NPR3: variants seen among roughly 807,000 people sequenced by gnomAD.
NPR3 encodes the protein natriuretic peptide receptor 3.
Under a neutral mutation model 54.5 loss-of-function variants are expected in NPR3, and 34 were observed. That is an observed-to-expected ratio of 0.62 (90% confidence interval 0.47 to 0.83). NPR3 has a LOEUF of 0.83. NPR3 is among the 40% of genes least tolerant of loss of function. NPR3 has a pLI of 0.00. For missense variants in NPR3, 674 were observed against 720.8 expected (o/e 0.94, Z 0.74); for synonymous variants, 289 against 297.1 (o/e 0.97, Z 0.28).
intron 3 of NPR3, among the ~76,000 whole-genome samples, chr5:32,768,135 G>A (rs1314969375): frequency 2.6e-5 from 4 of 152,240 alleles, no homozygotes; most frequent in Admixed American, 2.6e-4. Flanking sequence ...TGCCTTGACA[G>A]GACACAGACC....
At chr5:32,697,152 T>C (rs1174922684) in intron 1 of NPR3, among the ~76,000 whole-genome samples, 1 of 152,184 alleles carries the variant, frequency 6.6e-6, no homozygotes, top group African/African-American at 2.4e-5. Context: ...ATATGTTCCT[T>C]CTATACTCAG....
At chr5:32,709,080 T>TAG (rs1182950164), upstream of NPR3, among the ~76,000 whole-genome samples, 3 of 152,104 alleles carry the variant, frequency 2.0e-5, no homozygotes, top group Non-Finnish European at 2.9e-5. Flanking sequence ...ACTGCCCTGC[T>TAG]GTTGAACTGC....
At chr5:32,724,926 T>C (rs1579609556) in intron 2 of NPR3, 106 bp downstream of exon 2, 1 of 1,203,376 alleles carries the variant, frequency 8.3e-7, no homozygotes, top group East Asian at 2.4e-5. Flanking sequence ...ATAAACACCA[T>C]GGAATACTAT....
intron 3 of NPR3, among the ~76,000 whole-genome samples, chr5:32,747,175 T>G (rs879608117): frequency 3.9e-5 from 6 of 152,208 alleles, no homozygotes; most frequent in Non-Finnish European, 8.8e-5. Flanking sequence ...GCTGTTTCTC[T>G]CCACATTTCT....
At chr5:32,759,642 T>A (rs1259533696) in intron 3 of NPR3, among the ~76,000 whole-genome samples, 2 of 152,208 alleles carry the variant, frequency 1.3e-5, no homozygotes, top group Non-Finnish European at 2.9e-5. Flanking sequence ...TTTGATTCTG[T>A]CATTATTATG....
chr5:32,720,346 G>C (rs926893056), intron 1 of NPR3, among the ~76,000 whole-genome samples: 1 of 152,196 alleles, frequency 6.6e-6, no homozygotes, highest in African/African-American at 2.4e-5. Flanking sequence ...CACATTAGAG[G>C]TTTCTCCCAA....
chr5:32,695,160 A>G (rs1740492042), intron 1 of NPR3, among the ~76,000 whole-genome samples: 2 of 152,256 alleles, frequency 1.3e-5, no homozygotes, highest in South Asian at 2.1e-4. Flanking sequence ...TAGTGCTGCA[A>G]TAAACATGGG....
rs1391844411 is a variant in NPR3 at position 32,788,563 on chromosome 5, A to G, written c.*2218A>G. The stretch of plus-strand genomic sequence containing the variant: ...AAGTCTATGTGCTTATTACAGGGGA[A>G]AAATAATCTACCTGGTTGCAGTCTT... On this transcript the variant is annotated 3_prime_UTR_variant, in exon 8 of 8. Coordinates refer to ENST00000265074, the MANE Select transcript of NPR3 (RefSeq NM_001204375.2). 1 of 152,220 alleles carries G rather than the reference A, an allele frequency of 6.6e-6. No homozygotes were observed. Among genetic ancestry groups the G allele is most frequent in the Non-Finnish European group, 1.5e-5 (1 of 68,038 alleles). The allele number at this position is 152,220 out of a possible 1,614,324, so 9.4% of individuals were successfully genotyped here.
At position 32,711,806 on chromosome 5, in the gene NPR3, C is replaced by T. The variant is rs752039844; in HGVS notation, c.30C>T (p.Ser10=). Reference sequence around the variant, plus strand: ...CGTCTCTGCTGGTGCTCACTTTCTCCCCGTGCGTACTACTCGGCTGGGCGT... The same window carrying T: ...CGTCTCTGCTGGTGCTCACTTTCTCTCCGTGCGTACTACTCGGCTGGGCGT... MPSLLVLTF[S]PCVLLGWALL... The change falls in exon 1 of 8, where the codon TCC becomes TCT. Residue 10 remains serine, a synonymous_variant. Coordinates refer to ENST00000265074, the MANE Select transcript of NPR3 (RefSeq NM_001204375.2). 157 of 1,443,174 alleles carry T rather than the reference C, an allele frequency of 1.1e-4. No individual in the cohort carries two copies. The highest frequency in any genetic ancestry group is 1.3e-4 in the Non-Finnish European group (144 of 1,097,646). The allele number at this position is 1,443,174 out of a possible 1,614,324, so 89.4% of individuals were successfully genotyped here. A position where few individuals can be genotyped will look rare whatever the true frequency, so the allele number is the denominator to read the frequency against.
rs1232201391 is a variant in NPR3 at position 32,784,868 on chromosome 5, C to T, written c.1499C>T (p.Ala500Val). 3.1e-6 allele frequency: 5 copies of T among 1,613,186 alleles called. No homozygotes were observed. The highest frequency in any genetic ancestry group is 1.7e-4 in the Middle Eastern group (1 of 6,058). Reference sequence around the variant, plus strand: ...TTACTAGGAGCTGGCTTGCTAATGGCCTTCTACTTTTTCAGGTGAGGACGG... The same window carrying T: ...TTACTAGGAGCTGGCTTGCTAATGGTCTTCTACTTTTTCAGGTGAGGACGG... ...GALLGAGLLM[A>V]FYFFRKKYRI... The change falls in exon 7 of 8, where the codon GCC becomes GTC. Residue 500 changes from alanine (A) to valine (V), a missense_variant. Physicochemically the swap from Ala to Val is moderately conservative, Grantham distance 64. Coordinates refer to ENST00000265074, the MANE Select transcript of NPR3 (RefSeq NM_001204375.2).
At chr5:32,771,838 A>G (rs1252755445) in intron 3 of NPR3, among the ~76,000 whole-genome samples, 1 of 152,136 alleles carries the variant, frequency 6.6e-6, no homozygotes, top group Non-Finnish European at 1.5e-5. Context: ...AGGGAATTTG[A>G]TCAGAGCTTT....
At chr5:32,704,992 A>G (rs1737948349), upstream of NPR3, among the ~76,000 whole-genome samples, 1 of 152,262 alleles carries the variant, frequency 6.6e-6, no homozygotes, top group Admixed American at 6.5e-5. Context: ...TATGAAAAAA[A>G]CTATGCATAG....
At chr5:32,750,108 C>A (rs954157607) in intron 3 of NPR3, among the ~76,000 whole-genome samples, 1 of 152,116 alleles carries the variant, frequency 6.6e-6, no homozygotes, top group Non-Finnish European at 1.5e-5. Context: ...TTTTTCAGTT[C>A]TATTGAGTCA....
rs1742736292 is a variant in NPR3, at chr5:32,788,252, G to A, written c.*1907G>A. On this transcript the variant is annotated 3_prime_UTR_variant, in exon 8 of 8. Transcript: ENST00000265074. ...GTAGTTCTCCATGCTGGATGCAAAG[G>A]AAAAAGTGTCGAATTCCAAAAAGGA... 6.6e-6 allele frequency: 1 copy of A among 152,216 alleles called. No homozygotes were observed. The highest frequency in any genetic ancestry group is 2.1e-4 in the South Asian group (1 of 4,828). 9.4% of individuals were successfully genotyped at this position (152,216 alleles called of 1,614,324 possible).
intron 3 of NPR3, among the ~76,000 whole-genome samples, chr5:32,741,111 T>A: frequency 6.6e-6 from 1 of 150,890 alleles, no homozygotes; most frequent in East Asian, 2.0e-4. Flanking sequence ...TCTGGTTTCC[T>A]CTCACTGGGC....
intron 3 of NPR3, among the ~76,000 whole-genome samples, chr5:32,745,858 C>T (rs151193148): frequency 1.3e-5 from 2 of 152,258 alleles, no homozygotes; most frequent in East Asian, 3.9e-4. Flanking sequence ...TAATCAGATG[C>T]TGTTTATTGA....
rs1046891031 is a variant in NPR3 at position 32,788,659 on chromosome 5, A to T, written c.*2314A>T. 8.5e-5 allele frequency: 13 copies of T among 152,160 alleles called. No homozygotes were observed. The highest frequency in any genetic ancestry group is 3.1e-4 in the African/African-American group (13 of 41,452). The allele number at this position is 152,160 out of a possible 1,614,324, so 9.4% of individuals were successfully genotyped here. Reference sequence around the variant, plus strand: ...ATTAACACTAACATTTTTAGAGCAAATATATTCTATTTTAACTTCAGGTAG... The same window carrying T: ...ATTAACACTAACATTTTTAGAGCAATTATATTCTATTTTAACTTCAGGTAG... On this transcript the variant is annotated 3_prime_UTR_variant, in exon 8 of 8. Transcript: ENST00000265074.
intron 1 of NPR3, among the ~76,000 whole-genome samples, chr5:32,698,448 T>G (rs1191433576): frequency 6.6e-6 from 1 of 152,168 alleles, no homozygotes; most frequent in Non-Finnish European, 1.5e-5. Flanking sequence ...ATGAGTATTC[T>G]GCAGCCATTG....
intron 7 of NPR3, among the ~76,000 whole-genome samples, chr5:32,785,498 A>G (rs1014790927): frequency 3.3e-5 from 5 of 152,138 alleles, no homozygotes; most frequent in African/African-American, 7.2e-5. Flanking sequence ...CCACCAAGTG[A>G]AGCAGTGGGG....
Sources: gnomAD v4.1 joint callset for allele counts (sites outside exome capture counted in the v4.1 genomes callset) on GRCh38, gnomAD v4.1.1 for gene constraint, MANE v1.5 for transcripts, NCBI Gene and HGNC (gene_info 2026-07-23, HGNC 2026-07-21) for gene names.